The following PTDSS2 variants were observed in gnomAD, a reference collection of about 807,000 sequenced individuals.
The protein encoded by PTDSS2 is PSS-2.
Under a neutral mutation model 64.7 loss-of-function variants are expected in PTDSS2, and 41 were observed. That is an observed-to-expected ratio of 0.63 (90% CI 0.49 to 0.82). The LOEUF is 0.82. PTDSS2 is among the 40% of genes least tolerant of loss of function. PTDSS2 has a pLI of 0.00. For synonymous variants in PTDSS2, 297 were observed against 277.8 expected (o/e 1.07, Z -0.69); for missense variants, 485 against 650.0 (o/e 0.75, Z 2.76).
At chr11:477,857 A>G (rs1847882278) in intron 3 of PTDSS2, among the ~76,000 whole-genome samples, 1 of 152,226 alleles carries the variant, frequency 6.6e-6, no homozygotes, top group Admixed American at 6.5e-5. Flanking sequence ...TTCTTATCCC[A>G]AGGCGTGAGG....
At chr11:471,002 A>T (rs1202357168) in intron 2 of PTDSS2, among the ~76,000 whole-genome samples, 3 of 152,158 alleles carry the variant, frequency 2.0e-5, no homozygotes, top group Non-Finnish European at 4.4e-5. Context: ...AAAATTAAAA[A>T]TTTATTTTTA....
chr11:490,208 T>C (rs2133847343), intron 11 of PTDSS2, 140 bp downstream of exon 11: 1 of 1,164,190 alleles, frequency 8.6e-7, no homozygotes, highest in Non-Finnish European at 1.2e-6. Flanking sequence ...GGAGGCGCCT[T>C]TCCTGACCCA....
In PTDSS2 at chr11:462,990, A is replaced by T. The variant is rs1477686835; in HGVS notation, c.284+2702A>T. The stretch of plus-strand genomic sequence containing the variant: ...GAGACCAACCTAACCAACATGGTGA[A>T]ATCCTGTCTCTACTAAAAATACAAA... On this transcript the variant is annotated intron_variant, in intron 2 of 11. Transcript: ENST00000308020. The surrounding 1 kb of genome is among the most constrained non-coding windows in gnomAD (Gnocchi z 4.5). The T allele has an allele frequency of 2.0e-5, 3 of 150,236 alleles. No individual in the cohort carries two copies. The highest frequency in any genetic ancestry group is 4.4e-5 in the Non-Finnish European group (3 of 67,502). The allele number at this position is 150,236 out of a possible 1,614,324, so 9.3% of individuals were successfully genotyped here. A position where few individuals can be genotyped will look rare whatever the true frequency, so the allele number is the denominator to read the frequency against.
rs896716094 is a variant in PTDSS2 at position 470,303 on chromosome 11, G to A, written c.285-3592G>A. Among the ~76,000 whole-genome samples the A allele has an allele frequency of 6.6e-6, 1 of 152,210 alleles. No homozygotes were observed. The highest frequency in any genetic ancestry group is 2.4e-5 in the African/African-American group (1 of 41,450). On this transcript the variant is annotated intron_variant, in intron 2 of 11. Transcript: ENST00000308020. The surrounding 1 kb of genome is among the most constrained non-coding windows in gnomAD (Gnocchi z 5.3). ...CATCCTCCCAACCCCGACGACCCCA[G>A]CCCGGCCATGCAGAGGCATAGTCGA...
chr11:487,097 C>G (rs375998427), intron 5 of PTDSS2, 24 bp downstream of exon 5: 1 of 1,602,898 alleles, frequency 6.2e-7, no homozygotes, highest in Non-Finnish European at 8.5e-7. Context: ...GGCCCTGAGG[C>G]GAGCCCCTCC....
At chr11:487,373 G>C in intron 5 of PTDSS2, 47 bp from the exon 6 acceptor site, 2 of 1,561,718 alleles carry the variant, frequency 1.3e-6, no homozygotes, top group Non-Finnish European at 8.8e-7. Flanking sequence ...GTGGGGAGTG[G>C]GGGTGGCTGT....
chr11:472,672 G>C (rs543770163), intron 2 of PTDSS2, among the ~76,000 whole-genome samples: 53 of 152,344 alleles, frequency 3.5e-4, no homozygotes, highest in Non-Finnish European at 4.9e-4. Flanking sequence ...ACCTGCCTCT[G>C]TCTACTCAGG....
chr11:463,858 A>T (rs528071712), intron 2 of PTDSS2: 1 of 152,094 alleles, frequency 6.6e-6, no homozygotes, highest in East Asian at 1.9e-4. Flanking sequence ...CCTTATTTTT[A>T]AAAATTAATA....
chr11:465,838 A>G (rs1847116632), intron 2 of PTDSS2, among the ~76,000 whole-genome samples: 1 of 151,416 alleles, frequency 6.6e-6, no homozygotes, highest in African/African-American at 2.4e-5. Flanking sequence ...GGTACTCAGG[A>G]GACCGAGGCG....
intron 4 of PTDSS2, among the ~76,000 whole-genome samples, chr11:483,948 A>G (rs1282950997): frequency 6.6e-6 from 1 of 152,156 alleles, no homozygotes; most frequent in Non-Finnish European, 1.5e-5. Flanking sequence ...GTCAATCCAT[A>G]GTGCATTCTC....
chr11:451,833 G>A (rs990958059), intron 1 of PTDSS2, among the ~76,000 whole-genome samples: 2 of 152,208 alleles, frequency 1.3e-5, no homozygotes, highest in Non-Finnish European at 2.9e-5. Context: ...AGGGTCTTCC[G>A]TGAGGTGTGG....
intron 1 of PTDSS2, among the ~76,000 whole-genome samples, chr11:452,030 C>T (rs1047946027): frequency 2.0e-5 from 3 of 152,130 alleles, no homozygotes; most frequent in Non-Finnish European, 4.4e-5. Flanking sequence ...GCTGTCCTCC[C>T]GCAGCACAGC....
In PTDSS2 at chr11:490,414, C is replaced by A. The variant is rs749987358; in HGVS notation, c.1302-6C>A. On this transcript the variant is annotated splice_polypyrimidine_tract_variant and splice_region_variant and intron_variant, in intron 11 of 11. Transcript: ENST00000308020. Reference sequence around the variant, plus strand: ...GCAGGTGGTGACGCTGCATCCCGCTCCCCAGGGACATCACATTGAGGTACA... The same window carrying A: ...GCAGGTGGTGACGCTGCATCCCGCTACCCAGGGACATCACATTGAGGTACA... 70 of 1,613,058 alleles carry A rather than the reference C, an allele frequency of 4.3e-5. 1 individual carries two copies. In the South Asian group the frequency reaches 7.4e-4, roughly 17 times the overall value.
At chr11:450,024 A>C (rs1162195513), upstream of PTDSS2, among the ~76,000 whole-genome samples, 3 of 152,094 alleles carry the variant, frequency 2.0e-5, no homozygotes, top group Admixed American at 2.0e-4. Context: ...GGGCTCCGGG[A>C]TCCGTCGGCG....
chr11:471,097 C>CTT (rs36051705), intron 2 of PTDSS2, among the ~76,000 whole-genome samples: 27 of 129,274 alleles, frequency 2.1e-4, no homozygotes, highest in Non-Finnish European at 3.1e-4. Flanking sequence ...TTAAGTAATT[C>CTT]TTTTTTTTTT....
chr11:451,909 C>T (rs950156123), intron 1 of PTDSS2, among the ~76,000 whole-genome samples: 2 of 152,120 alleles, frequency 1.3e-5, no homozygotes, highest in Non-Finnish European at 2.9e-5. Context: ...CGGGTGGCTG[C>T]GGGGCCCTCG....
intron 4 of PTDSS2, among the ~76,000 whole-genome samples, chr11:482,403 G>A (rs1269502163): frequency 6.6e-6 from 1 of 152,082 alleles, no homozygotes; most frequent in Non-Finnish European, 1.5e-5. Context: ...TGTATTTTTA[G>A]TAGAGTCGGG....
chr11:473,753 C>G, intron 2 of PTDSS2, 142 bp from the exon 3 acceptor site: 1 of 703,244 alleles, frequency 1.4e-6, no homozygotes. Flanking sequence ...GCGGAGTCGC[C>G]CAGCTCTGCC....
At chr11:489,348 G>A (rs925152782) in intron 8 of PTDSS2, 52 bp from the exon 9 acceptor site, 26 of 1,494,036 alleles carry the variant, frequency 1.7e-5, no homozygotes, top group Non-Finnish European at 2.3e-5. Flanking sequence ...GATGGCACAG[G>A]GCAGGGTTCG....
Sources: allele counts gnomAD v4.1 joint callset (sites outside exome capture counted in the v4.1 genomes callset), GRCh38; gene constraint gnomAD v4.1.1; non-coding constraint Gnocchi (gnomAD v3.1); transcripts MANE v1.5; gene names NCBI Gene and HGNC (gene_info 2026-07-23, HGNC 2026-07-21).